Variants in PEAK1 observed in about 807,000 individuals in gnomAD.
The protein encoded by PEAK1 is pseudopodium enriched atypical kinase 1, also known as inactive tyrosine-protein kinase PEAK1.
A neutral mutation model predicts 124.7 loss-of-function variants in PEAK1; 54 were observed. That is an observed-to-expected ratio of 0.43 (90% CI 0.35 to 0.54). The LOEUF (loss-of-function observed/expected upper bound fraction) is 0.54, where lower values mean the gene tolerates loss of function less well. PEAK1 is among the 20% of genes least tolerant of loss of function. PEAK1 has a pLI of 0.01. For synonymous variants in PEAK1, 719 were observed against 760.0 expected (o/e 0.95, Z 0.89); for missense variants, 2,046 against 2,134.5 (o/e 0.96, Z 0.82).
chr15:77,115,185 G>C lies in PEAK1; in HGVS notation c.4212C>G (p.Pro1404=), dbSNP rs373619237. The C allele has an allele frequency of 1.2e-6, 2 of 1,614,138 alleles. No individual in the cohort carries two copies. Among genetic ancestry groups the C allele is most frequent in the Non-Finnish European group, 1.7e-6 (2 of 1,180,034 alleles). ...FLAEVPNRLL[P]WEDPDDPEKD... The stretch of plus-strand genomic sequence containing the variant: ...TTTCAGGGTCATCTGGATCCTCCCA[G>C]GGAAGCAGACGGTTAGGGACTTCAG... The change falls in exon 10 of 10, where the codon CCC becomes CCG. Residue 1404 remains proline, a synonymous_variant. Transcript: ENST00000682557.
At chr15:77,275,934 T>C (rs1379943810) in intron 5 of PEAK1, among the ~76,000 whole-genome samples, 1 of 151,854 alleles carries the variant, frequency 6.6e-6, no homozygotes, top group Non-Finnish European at 1.5e-5. Context: ...ATAATGAAAT[T>C]ACAAAACCAA....
At chr15:77,229,185 T>C (rs897366889) in intron 6 of PEAK1, among the ~76,000 whole-genome samples, 5 of 152,106 alleles carry the variant, frequency 3.3e-5, no homozygotes, top group Admixed American at 6.6e-5. Flanking sequence ...AAATAAGATA[T>C]ACCTTTCTTA....
At position 77,133,017 on chromosome 15, in the gene PEAK1, G is replaced by T. The variant is rs1257071494; in HGVS notation, c.4065C>A (p.Asn1355Lys). The T allele has an allele frequency of 5.6e-6, 9 of 1,609,384 alleles. No homozygotes were observed. Among genetic ancestry groups the T allele is most frequent in the Non-Finnish European group, 7.7e-6 (9 of 1,175,986 alleles). The change falls in exon 9 of 10, where the codon AAC becomes AAA. Residue 1355 changes from asparagine to lysine, a missense_variant. Physicochemically the swap from Asn to Lys is moderately conservative, Grantham distance 94. Transcript: ENST00000682557. The surrounding 1 kb of genome is among the most constrained non-coding windows in gnomAD (Gnocchi z 4.2). ...TASYAKDPLN[N>K]YAVKICKSKA... is the part of the protein sequence containing the mutation. The stretch of plus-strand genomic sequence containing the variant: ...AATATTTTCTTACCTTGACTGCATA[G>T]TTATTAAGTGGATCTTTTGCATATG...
intron 1 of PEAK1, among the ~76,000 whole-genome samples, chr15:77,366,224 T>C (rs1444360249): frequency 1.3e-5 from 2 of 152,190 alleles, no homozygotes; most frequent in Admixed American, 1.3e-4. Flanking sequence ...ACAGACGTGA[T>C]GTTACACATT....
intron 1 of PEAK1, among the ~76,000 whole-genome samples, chr15:77,393,413 G>C (rs1405884725): frequency 6.6e-6 from 1 of 152,172 alleles, no homozygotes; most frequent in East Asian, 1.9e-4. Context: ...GAAGAGTAAA[G>C]AGGACTTTGT....
chr15:77,138,177 C>T lies in PEAK1; in HGVS notation c.3332-4427G>A, dbSNP rs112860392. Among the ~76,000 whole-genome samples the T allele has an allele frequency of 4.8e-3, 736 of 152,060 alleles. 8 individuals carry two copies. Among genetic ancestry groups the T allele is most frequent in the African/African-American group, 0.016 (673 of 41,464 alleles). On this transcript the variant is annotated intron_variant, in intron 8 of 9. Transcript: ENST00000682557. ...GTCTTGGATATGACTTTATCAGCAG[C>T]GTGAAAATGGACTAACACACTACTT...
At chr15:77,388,108 C>T (rs1043174081) in intron 1 of PEAK1, among the ~76,000 whole-genome samples, 2 of 152,058 alleles carry the variant, frequency 1.3e-5, no homozygotes, top group Admixed American at 1.3e-4. Flanking sequence ...GCAGGAGGAT[C>T]GCTTGAGCCC....
chr15:77,410,903 T>G (rs986424125), intron 1 of PEAK1, among the ~76,000 whole-genome samples: 4 of 152,210 alleles, frequency 2.6e-5, no homozygotes, highest in African/African-American at 9.7e-5. Context: ...GACTGACACT[T>G]AAATAATTAC....
intron 7 of PEAK1, among the ~76,000 whole-genome samples, chr15:77,167,119 T>A (rs768239266): frequency 6.6e-6 from 1 of 152,116 alleles, no homozygotes; most frequent in Admixed American, 6.5e-5. Flanking sequence ...AGAATAAGTA[T>A]ACAAGCAGCA....
At chr15:77,151,063 T>A (rs1215570045) in intron 8 of PEAK1, among the ~76,000 whole-genome samples, 1 of 152,154 alleles carries the variant, frequency 6.6e-6, no homozygotes, top group East Asian at 1.9e-4. Context: ...GTATTTCTAG[T>A]TCTAGATGCC....
At chr15:77,226,054 T>TATATA in intron 6 of PEAK1, among the ~76,000 whole-genome samples, 1 of 22,804 alleles carries the variant, frequency 4.4e-5, no homozygotes, top group Non-Finnish European at 1.6e-4. Flanking sequence ...GATATATATA[T>TATATA]ATATATATAT....
Position 77,110,404 on chromosome 15 carries a change from T to C in PEAK1, c.*3752A>G, listed in dbSNP as rs1271051343. On this transcript the variant is annotated 3_prime_UTR_variant, in exon 10 of 10. Transcript: ENST00000682557. ...CACTGCGCCTGGCCTGGGAACTTCA[T>C]ACTACTAGAAACTTTTAAGATATAA... 3 of 152,222 alleles carry C rather than the reference T, an allele frequency of 2.0e-5. No individual in the cohort carries two copies. Among genetic ancestry groups the C allele is most frequent in the Admixed American group, 6.5e-5 (1 of 15,280 alleles). 9.4% of individuals were successfully genotyped at this position (152,222 alleles called of 1,614,324 possible). A position where few individuals can be genotyped will look rare whatever the true frequency, so the allele number is the denominator to read the frequency against.
chr15:77,120,864 T>C (rs550018558), intron 9 of PEAK1, among the ~76,000 whole-genome samples: 2 of 152,252 alleles, frequency 1.3e-5, no homozygotes, highest in East Asian at 3.9e-4. Flanking sequence ...CACTCTACCC[T>C]CCAGGTGTTC....
chr15:77,335,587 G>A (rs1017111609), intron 2 of PEAK1: 24 of 733,900 alleles, frequency 3.3e-5, no homozygotes, highest in South Asian at 3.1e-4. Context: ...TAAGCGAACC[G>A]CCTGACACAG....
rs1181033215 is a variant in PEAK1, at chr15:77,179,830, C to T, written c.2097G>A (p.Arg699=). 2 of 1,613,914 alleles carry T rather than the reference C, an allele frequency of 1.2e-6. No homozygotes were observed. The highest frequency in any genetic ancestry group is 3.3e-5 in the Admixed American group (2 of 59,992). ...CTTGAACCTTCTGAGCCACTGAGCCCCTTTTATGCTCTGTGCTGTTTGAAA... is the reference window on the plus strand; with the variant it reads ...CTTGAACCTTCTGAGCCACTGAGCCTCTTTTATGCTCTGTGCTGTTTGAAA... ...KGFSNSTEHK[R]GSVAQKVQEF... Residue 699 remains arginine, a synonymous_variant, in exon 7 of 10, where the codon AGG becomes AGA. Transcript: ENST00000682557.
intron 6 of PEAK1, among the ~76,000 whole-genome samples, chr15:77,240,063 T>A (rs1204293584): frequency 6.6e-6 from 1 of 152,202 alleles, no homozygotes; most frequent in Non-Finnish European, 1.5e-5. Context: ...CCAAACCTAA[T>A]TACAACCAGC....
rs1033762409 is a variant in PEAK1 at position 77,337,695 on chromosome 15, G to A, written c.-603+27468C>T. On this transcript the variant is annotated intron_variant, in intron 2 of 9. Transcript: ENST00000682557. ...AAAAATTAACCCGGAAAAGTCATTTGTCAGTAACCCTTTATTATTATAGCA... is the reference window on the plus strand; with the variant it reads ...AAAAATTAACCCGGAAAAGTCATTTATCAGTAACCCTTTATTATTATAGCA... The A allele has an allele frequency of 7.1e-6, 7 of 985,094 alleles. No individual in the cohort carries two copies. The African/African-American group carries it at 1.2e-4, about 17-fold the overall frequency. 61.0% of individuals were successfully genotyped at this position (985,094 alleles called of 1,614,324 possible).
intron 2 of PEAK1, among the ~76,000 whole-genome samples, chr15:77,317,337 T>C (rs1265153048): frequency 6.6e-6 from 1 of 152,172 alleles, no homozygotes; most frequent in East Asian, 1.9e-4. Flanking sequence ...ATGGAAAAAT[T>C]AGAAAAGGCA....
chr15:77,307,391 G>T (rs938407123), intron 2 of PEAK1, among the ~76,000 whole-genome samples: 1 of 152,012 alleles, frequency 6.6e-6, no homozygotes, highest in Non-Finnish European at 1.5e-5. Flanking sequence ...AACATTACCA[G>T]AATAAAAGAT....
Sources: gnomAD v4.1 joint callset for allele counts (sites outside exome capture counted in the v4.1 genomes callset) on GRCh38, gnomAD v4.1.1 for gene constraint, Gnocchi (gnomAD v3.1) non-coding constraint, MANE v1.5 for transcripts, NCBI Gene and HGNC (gene_info 2026-07-23, HGNC 2026-07-21) for gene names.